Variants in NOD1 observed in about 807,000 individuals in gnomAD.
NOD1 encodes nucleotide binding oligomerization domain containing 1.
A neutral mutation model predicts 81.2 loss-of-function variants in NOD1; 70 were observed. The ratio of observed to expected loss-of-function variants is 0.86; its 90% CI spans 0.71 to 1.05. The LOEUF (loss-of-function observed/expected upper bound fraction) is 1.05. NOD1 is among the 50% of genes least tolerant of loss of function. The probability of loss-of-function intolerance (pLI) is 0.00; values close to 1 mark genes in which losing one functional copy is unlikely to be tolerated. For missense variants in NOD1, 1,233 were observed against 1,228.0 expected, an observed-to-expected ratio of 1.00 and a Z score of -0.06; for synonymous variants, 508 against 526.9, an observed-to-expected ratio of 0.96 and a Z score of 0.49.
At chr7:30,438,783 C>A (rs538683315) in intron 9 of NOD1, among the ~76,000 whole-genome samples, 5 of 152,252 alleles carry the variant, frequency 3.3e-5, no homozygotes, top group Admixed American at 1.3e-4. Context: ...TAGTCTCACC[C>A]CTACTATAGT....
At chr7:30,434,033 C>T (rs1458194346) in intron 11 of NOD1, among the ~76,000 whole-genome samples, 1 of 152,062 alleles carries the variant, frequency 6.6e-6, no homozygotes, top group Non-Finnish European at 1.5e-5. Flanking sequence ...GATATCTATT[C>T]GAGATGTTGT....
At chr7:30,426,436 G>A (rs1783461986) in intron 13 of NOD1, among the ~76,000 whole-genome samples, 1 of 151,052 alleles carries the variant, frequency 6.6e-6, no homozygotes, top group Non-Finnish European at 1.5e-5. Context: ...TGCCTCCCTG[G>A]AACCTCTATG....
chr7:30,453,823 C>T (rs765310826), intron 5 of NOD1, among the ~76,000 whole-genome samples: 31 of 152,292 alleles, frequency 2.0e-4, no homozygotes, highest in Non-Finnish European at 3.1e-4. Context: ...ATCCCTGGGC[C>T]GTAGGCAACT....
chr7:30,459,876 A>T (rs1740649456), intron 2 of NOD1, 25 bp downstream of exon 2: 1 of 152,614 alleles, frequency 6.6e-6, no homozygotes, highest in South Asian at 2.1e-4. Context: ...TTGCCCGCCT[A>T]CCACGAGGGG....
At chr7:30,426,998 C>T (rs577501308) in intron 13 of NOD1, among the ~76,000 whole-genome samples, 13 of 152,284 alleles carry the variant, frequency 8.5e-5, no homozygotes, top group South Asian at 6.2e-4. Context: ...TAAATAATTA[C>T]GCAAATGATT....
chr7:30,425,381 G>T lies in NOD1; in HGVS notation c.*257C>A. ...AAAAATAATTATAATAGGCAATAAA[G>T]TCTCTTCACAGTGTATTTACTGTAA... On this transcript the variant is annotated 3_prime_UTR_variant, in exon 14 of 14. Coordinates refer to ENST00000222823, the MANE Select transcript of NOD1 (RefSeq NM_006092.4). The T allele has an allele frequency of 2.0e-6, 1 of 493,050 alleles. No homozygotes were observed. Among genetic ancestry groups the T allele is most frequent in the East Asian group, 3.4e-5 (1 of 29,024 alleles). The allele number at this position is 493,050 out of a possible 1,614,324, so 30.5% of individuals were successfully genotyped here.
At chr7:30,436,859 C>G (rs1784423538) in intron 10 of NOD1, among the ~76,000 whole-genome samples, 1 of 152,170 alleles carries the variant, frequency 6.6e-6, no homozygotes, top group Admixed American at 6.5e-5. Context: ...TTTGACCCAG[C>G]AATCCCATTA....
At chr7:30,457,679 G>A (rs1408357192) in intron 3 of NOD1, among the ~76,000 whole-genome samples, 1 of 152,128 alleles carries the variant, frequency 6.6e-6, no homozygotes, top group African/African-American at 2.4e-5. Flanking sequence ...GGGCTTGGAG[G>A]TTTCTGCATT....
intron 6 of NOD1, 102 bp from the exon 7 acceptor site, chr7:30,448,483 C>A (rs1785350067): frequency 9.9e-7 from 1 of 1,007,814 alleles, no homozygotes; most frequent in Non-Finnish European, 1.6e-6. Flanking sequence ...CTGGAGTTTT[C>A]TCAGGTATAG....
At chr7:30,450,692 T>C (rs529645110) in intron 6 of NOD1, among the ~76,000 whole-genome samples, 22 of 152,296 alleles carry the variant, frequency 1.4e-4, no homozygotes, top group African/African-American at 5.1e-4. Flanking sequence ...CAGAAACTTT[T>C]TGAGGGCTAT....
rs7788199 is a variant in NOD1, at chr7:30,462,786, G to A, written c.-351-2745C>T. ...CAACATTGTGAAACCCTGTCTCCAC[G>A]AAAAATACAAAAATTAGCAGGGCAT... is the stretch of plus-strand genomic sequence containing the variant. On this transcript the variant is annotated intron_variant, in intron 1 of 13. Transcript: ENST00000222823. Among the ~76,000 whole-genome samples the A allele has an allele frequency of 4.3e-4, 65 of 151,746 alleles. 3 individuals carry two copies. The highest frequency in any genetic ancestry group is 1.5e-3 in the African/African-American group (63 of 41,356).
intron 1 of NOD1, among the ~76,000 whole-genome samples, chr7:30,471,189 C>T (rs1788243552): frequency 6.6e-6 from 1 of 152,134 alleles, no homozygotes; most frequent in Non-Finnish European, 1.5e-5. Context: ...GGAGAGTACC[C>T]AGGGATTTAT....
At chr7:30,473,933 C>T (rs986253403) in intron 1 of NOD1, among the ~76,000 whole-genome samples, 13 of 152,048 alleles carry the variant, frequency 8.5e-5, no homozygotes, top group African/African-American at 1.9e-4. Context: ...TGCACAGGGG[C>T]GCTGGGAAGA....
At chr7:30,474,979 T>G (rs1788630835) in intron 1 of NOD1, among the ~76,000 whole-genome samples, 1 of 152,178 alleles carries the variant, frequency 6.6e-6, no homozygotes, top group Non-Finnish European at 1.5e-5. Flanking sequence ...GGATATCCCC[T>G]GCCAAAAAAG....
Position 30,451,437 on chromosome 7 carries a change from G to C in NOD1, c.1980C>G (p.Tyr660Ter), listed in dbSNP as rs201194913. The change falls in exon 6 of 14, where the codon TAC becomes TAG. Residue 660 changes from tyrosine (Y) to a stop codon, truncating the protein, a stop_gained. Coordinates refer to ENST00000222823, the MANE Select transcript of NOD1 (RefSeq NM_006092.4). LOFTEE classifies it high-confidence loss of function. This position sits in a 1 kb window ranked among gnomAD's most constrained non-coding sequence, Gnocchi z 4.2. ...GCCCCACCTTCTGGCTCTGTGTCTC[G>C]TAGATGCAGCGCAGCATCCAGATGA... ...PTFIWMLRCI[Y>*]ETQSQKVGQL... 1.2e-6 allele frequency: 2 copies of C among 1,613,632 alleles called. No homozygotes were observed. The highest frequency in any genetic ancestry group is 1.3e-5 in the African/African-American group (1 of 74,946).
At chr7:30,473,887 T>C (rs1397207029) in intron 1 of NOD1, among the ~76,000 whole-genome samples, 2 of 152,188 alleles carry the variant, frequency 1.3e-5, no homozygotes, top group Non-Finnish European at 2.9e-5. Flanking sequence ...TGAGCCTCAG[T>C]TGTCTCCTCT....
intron 1 of NOD1, among the ~76,000 whole-genome samples, chr7:30,463,346 A>C (rs1005797144): frequency 6.6e-6 from 1 of 152,192 alleles, no homozygotes; most frequent in Non-Finnish European, 1.5e-5. Context: ...ATCTGCACTA[A>C]AATGAACACT....
At chr7:30,427,546 A>G (rs901085066) in intron 13 of NOD1, among the ~76,000 whole-genome samples, 2 of 152,176 alleles carry the variant, frequency 1.3e-5, no homozygotes, top group Admixed American at 6.5e-5. Flanking sequence ...CACACAGAGG[A>G]GCATGCTCTG....
chr7:30,425,618 A>G lies in NOD1; in HGVS notation c.*20T>C, dbSNP rs542694030. 42 of 1,601,554 alleles carry G rather than the reference A, an allele frequency of 2.6e-5. No individual in the cohort carries two copies. The South Asian group carries it at 3.9e-4, about 15-fold the overall frequency. On this transcript the variant is annotated 3_prime_UTR_variant, in exon 14 of 14. Coordinates refer to ENST00000222823, the MANE Select transcript of NOD1 (RefSeq NM_006092.4). ...GCTGAGGCTCCAGGGCAAAAACCCC[A>G]TGAACAGGAAAGCATCCTCTCAGAA...
Sources: allele counts gnomAD v4.1 joint callset (sites outside exome capture counted in the v4.1 genomes callset), GRCh38; gene constraint gnomAD v4.1.1; non-coding constraint Gnocchi (gnomAD v3.1); transcripts MANE v1.5; gene names NCBI Gene and HGNC (gene_info 2026-07-23, HGNC 2026-07-21).